Variants in C3orf33 observed in about 807,000 individuals in gnomAD.
C3orf33 encodes the protein AP-1 activity suppressor.
A neutral mutation model predicts 28.7 loss-of-function variants in C3orf33; 23 were observed. The ratio of observed to expected loss-of-function variants is 0.80; its 90% CI spans 0.58 to 1.13. The LOEUF (loss-of-function observed/expected upper bound fraction) is 1.13, where lower values mean the gene tolerates loss of function less well. Ranked by LOEUF, C3orf33 falls within the 50% of genes most tolerant of loss-of-function variation. The pLI is 0.00. For missense variants in C3orf33, 327 were observed against 353.4 expected, an observed-to-expected ratio of 0.93 and a Z score of 0.60; for synonymous variants, 119 against 120.5, an observed-to-expected ratio of 0.99 and a Z score of 0.08.
intron 2 of C3orf33, among the ~76,000 whole-genome samples, chr3:155,795,282 C>G (rs887647689): frequency 1.3e-5 from 2 of 152,014 alleles, no homozygotes; most frequent in African/African-American, 4.8e-5. Flanking sequence ...ATGGCAAAAC[C>G]CTGTCTCTAC....
chr3:155,799,010 G>A (rs1275098024), intron 2 of C3orf33, among the ~76,000 whole-genome samples: 3 of 152,116 alleles, frequency 2.0e-5, no homozygotes, highest in Non-Finnish European at 2.9e-5. Context: ...TGGCAAACAG[G>A]TACATGAAAA....
chr3:155,799,661 C>T (rs1751583101), intron 2 of C3orf33, among the ~76,000 whole-genome samples: 1 of 152,066 alleles, frequency 6.6e-6, no homozygotes, highest in Non-Finnish European at 1.5e-5. Flanking sequence ...TGCACTCAAC[C>T]TGGGTGACAG....
chr3:155,770,008 C>T (rs1015975555), intron 3 of C3orf33, among the ~76,000 whole-genome samples: 1 of 152,096 alleles, frequency 6.6e-6, no homozygotes, highest in African/African-American at 2.4e-5. Context: ...ACTCACAAAC[C>T]AATCAGCGTG....
chr3:155,795,266 G>C (rs1408172285), intron 2 of C3orf33, among the ~76,000 whole-genome samples: 1 of 152,086 alleles, frequency 6.6e-6, no homozygotes, highest in Non-Finnish European at 1.5e-5. Context: ...GACCAGGTTG[G>C]CCAACATGGC....
intron 2 of C3orf33, among the ~76,000 whole-genome samples, chr3:155,797,327 A>C (rs947006445): frequency 1.3e-5 from 2 of 152,192 alleles, no homozygotes; most frequent in African/African-American, 4.8e-5. Context: ...AGCCATACAC[A>C]ACAGACCCGC....
chr3:155,782,597 T>C (rs971698185), intron 2 of C3orf33, among the ~76,000 whole-genome samples: 7 of 152,204 alleles, frequency 4.6e-5, no homozygotes, highest in Admixed American at 2.6e-4. Context: ...GACTGATATA[T>C]TCAAAGTGCT....
rs1750455532 is a variant in C3orf33, at chr3:155,767,688, A to G, written c.323-19T>C. 1 of 1,478,894 alleles carries G rather than the reference A, an allele frequency of 6.8e-7. No individual in the cohort carries two copies. The highest frequency in any genetic ancestry group is 9.1e-7 in the Non-Finnish European group (1 of 1,102,432). The allele number at this position is 1,478,894 out of a possible 1,614,324, so 91.6% of individuals were successfully genotyped here. A position where few individuals can be genotyped will look rare whatever the true frequency, so the allele number is the denominator to read the frequency against. The stretch of plus-strand genomic sequence containing the variant: ...GGCTCTTCTAAAAAGGTTAGGTAGA[A>G]AAGAGTTTAGCTTTAACAGCATGTT... On this transcript the variant is annotated intron_variant, in intron 3 of 4. Coordinates refer to ENST00000340171, the MANE Select transcript of C3orf33 (RefSeq NM_001308229.2).
chr3:155,772,430 G>T (rs1750619272), intron 3 of C3orf33, among the ~76,000 whole-genome samples: 2 of 152,128 alleles, frequency 1.3e-5, no homozygotes, highest in Admixed American at 1.3e-4. Context: ...GAGGTTTTTA[G>T]AGAGATAGGA....
At chr3:155,805,865 G>T (rs1457548079) in intron 1 of C3orf33, 5 of 534,766 alleles carry the variant, frequency 9.3e-6, no homozygotes, top group African/African-American at 5.7e-5. Context: ...GAGCTGGGCT[G>T]CGTCTCACCC....
intron 1 of C3orf33, among the ~76,000 whole-genome samples, chr3:155,803,574 A>G (rs1291666612): frequency 6.8e-6 from 1 of 147,876 alleles, no homozygotes; most frequent in Non-Finnish European, 1.5e-5. Flanking sequence ...CAAAAAAAAA[A>G]AAAAAAAAAA....
chr3:155,790,760 G>T (rs904504390), intron 2 of C3orf33, among the ~76,000 whole-genome samples: 1 of 152,104 alleles, frequency 6.6e-6, no homozygotes, highest in African/African-American at 2.4e-5. Flanking sequence ...GCCCACAGAG[G>T]AAGTATTTAG....
At chr3:155,769,485 C>CA (rs59639224) in intron 3 of C3orf33, among the ~76,000 whole-genome samples, 3,119 of 83,936 alleles carry the variant, frequency 0.037, 121 homozygotes, top group African/African-American at 0.11. Flanking sequence ...GAGACTGTTT[C>CA]AAAAAAAAAA....
intron 2 of C3orf33, among the ~76,000 whole-genome samples, chr3:155,798,105 T>C (rs1751533822): frequency 6.7e-6 from 1 of 148,452 alleles, no homozygotes. Flanking sequence ...AAAACACTAA[T>C]GAAATAAATT....
intron 4 of C3orf33, among the ~76,000 whole-genome samples, chr3:155,765,511 A>C (rs1446316238): frequency 6.6e-6 from 1 of 152,148 alleles, no homozygotes; most frequent in Non-Finnish European, 1.5e-5. Flanking sequence ...GTTTTATACA[A>C]CTTTGTATTA....
chr3:155,790,154 A>G (rs1011284365), intron 2 of C3orf33, among the ~76,000 whole-genome samples: 14 of 122,384 alleles, frequency 1.1e-4, no homozygotes, highest in Non-Finnish European at 2.2e-4. Context: ...ACAGAGTGAA[A>G]CTCTGTCTCA....
At chr3:155,771,933 A>C (rs1026530500) in intron 3 of C3orf33, among the ~76,000 whole-genome samples, 1 of 152,188 alleles carries the variant, frequency 6.6e-6, no homozygotes, top group Non-Finnish European at 1.5e-5. Flanking sequence ...GGCCAGGTGC[A>C]GTGGCTCAGC....
At chr3:155,765,268 G>A (rs1484801505) in intron 4 of C3orf33, among the ~76,000 whole-genome samples, 1 of 152,194 alleles carries the variant, frequency 6.6e-6, no homozygotes, top group African/African-American at 2.4e-5. Flanking sequence ...AAGACAATCA[G>A]TTTCCCTAAA....
At chr3:155,790,163 CAAAAAAAAA>C (rs35285462) in intron 2 of C3orf33, among the ~76,000 whole-genome samples, 1 of 38,694 alleles carries the variant, frequency 2.6e-5, no homozygotes, top group Non-Finnish European at 4.3e-5. Flanking sequence ...AACTCTGTCT[CAAAAAAAAA>C]AAAAAAAAAA....
In C3orf33 at chr3:155,778,141, C is replaced by CAAAAAAAAAAAAAAAAAAAAAAA. The variant is rs55700532; in HGVS notation, c.175-2294_175-2293insTTTTTTTTTTTTTTTTTTTTTTT. On this transcript the variant is annotated intron_variant, in intron 2 of 4. Transcript: ENST00000340171. The stretch of plus-strand genomic sequence containing the variant: ...CTCCAGCCTGAGTGAAACTCCATTT[C>CAAAAAAAAAAAAAAAAAAAAAAA]AAAAAAAAAAAAAAAAAAAAAACAA... 2.6e-5 allele frequency among the ~76,000 whole-genome samples: 2 copies of CAAAAAAAAAAAAAAAAAAAAAAA among 75,788 alleles called. 1 individual carries two copies. Among genetic ancestry groups the CAAAAAAAAAAAAAAAAAAAAAAA allele is most frequent in the Non-Finnish European group, 4.6e-5 (2 of 43,018 alleles). The allele number at this position is 75,788 out of a possible 152,430, so 49.7% of individuals were successfully genotyped here.
Sources: allele counts gnomAD v4.1 joint callset (sites outside exome capture counted in the v4.1 genomes callset), GRCh38; gene constraint gnomAD v4.1.1; transcripts MANE v1.5; gene names NCBI Gene and HGNC (gene_info 2026-07-23, HGNC 2026-07-21).